The following RALGPS2 variants were observed in gnomAD, a reference collection of about 807,000 sequenced individuals.
The protein encoded by RALGPS2 is ras-specific guanine nucleotide-releasing factor RalGPS2.
In RALGPS2, 43 loss-of-function variants were observed where a neutral mutation model predicts 86.8. The ratio of observed to expected loss-of-function variants is 0.50; its 90% CI spans 0.39 to 0.64. The LOEUF is 0.64. Among genes scored for constraint, RALGPS2 ranks in the 30% least tolerant of loss-of-function variants. The pLI is 0.00. For missense variants in RALGPS2, 536 were observed against 694.6 expected (o/e 0.77, Z 2.57); for synonymous variants, 243 against 231.3 (o/e 1.05, Z -0.46).
intron 8 of RALGPS2, among the ~76,000 whole-genome samples, chr1:178,861,711 G>T (rs1307383772): frequency 6.6e-6 from 1 of 152,024 alleles, no homozygotes; most frequent in African/African-American, 2.4e-5. Flanking sequence ...TATAACTTAC[G>T]TATACAAACT....
intron 7 of RALGPS2, among the ~76,000 whole-genome samples, chr1:178,828,579 A>G (rs1365896545): frequency 1.3e-5 from 2 of 152,250 alleles, no homozygotes; most frequent in African/African-American, 2.4e-5. Context: ...TGTGATAACA[A>G]GAAAACAACC....
At chr1:178,873,814 G>A (rs1006697551) in intron 8 of RALGPS2, among the ~76,000 whole-genome samples, 4 of 152,098 alleles carry the variant, frequency 2.6e-5, no homozygotes, top group East Asian at 1.9e-4. Flanking sequence ...CAAAATAGAC[G>A]AAGCAACCAC....
intron 8 of RALGPS2, among the ~76,000 whole-genome samples, chr1:178,872,879 A>G (rs1456121733): frequency 6.6e-6 from 1 of 152,152 alleles, no homozygotes; most frequent in Non-Finnish European, 1.5e-5. Context: ...ATATGGAGAG[A>G]TTTGAAAGTC....
chr1:178,889,021 C>T (rs1659608251), intron 13 of RALGPS2, among the ~76,000 whole-genome samples: 1 of 151,960 alleles, frequency 6.6e-6, no homozygotes, highest in Admixed American at 6.6e-5. Context: ...AATTCATTCC[C>T]CATAGTTTTT....
chr1:178,868,721 A>G (rs1159487048), intron 8 of RALGPS2, among the ~76,000 whole-genome samples: 4 of 152,048 alleles, frequency 2.6e-5, no homozygotes, highest in Non-Finnish European at 2.9e-5. Context: ...TGTGGTTCCT[A>G]TAAGATTAAA....
Position 178,784,697 on chromosome 1 carries a change from A to G in RALGPS2, c.162+175A>G, listed in dbSNP as rs571140643. Among the ~76,000 whole-genome samples, 6 of 152,242 alleles carry G rather than the reference A, an allele frequency of 3.9e-5. No homozygotes were observed. The South Asian group carries it at 1.2e-3, about 32-fold the overall frequency. On this transcript the variant is annotated intron_variant, in intron 3 of 19. Transcript: ENST00000367635. The stretch of plus-strand genomic sequence containing the variant: ...ACAGAGGGATGAAGTGGGAAAAGTA[A>G]GAAAAGCTGTACATTTTTTTTTAGG...
At chr1:178,833,687 A>G (rs1200029207) in intron 8 of RALGPS2, 137 bp downstream of exon 8, 1 of 1,343,896 alleles carries the variant, frequency 7.4e-7, no homozygotes, top group African/African-American at 1.5e-5. Context: ...GCTGAAAAAA[A>G]TGACTAAAGA....
At position 178,918,443 on chromosome 1, in the gene RALGPS2, G is replaced by A. The variant is rs1050732374; in HGVS notation, c.*2084G>A. 1.3e-5 allele frequency: 2 copies of A among 152,022 alleles called. No homozygotes were observed. The highest frequency in any genetic ancestry group is 4.8e-5 in the African/African-American group (2 of 41,408). The allele number at this position is 152,022 out of a possible 1,614,324, so 9.4% of individuals were successfully genotyped here. On this transcript the variant is annotated 3_prime_UTR_variant, in exon 20 of 20. Transcript: ENST00000367635. ...AATAAGCTAACGTAGAAATGTTGTA[G>A]GTTAACCATATCTGTGGAAATATGC...
chr1:178,768,079 T>C (rs766859995), intron 1 of RALGPS2, among the ~76,000 whole-genome samples: 3 of 152,250 alleles, frequency 2.0e-5, no homozygotes, highest in Admixed American at 6.5e-5. Flanking sequence ...TTCCTTTGTT[T>C]CCTAGATTGC....
At chr1:178,871,694 CATA>C (rs1471883766) in intron 8 of RALGPS2, among the ~76,000 whole-genome samples, 1 of 152,126 alleles carries the variant, frequency 6.6e-6, no homozygotes, top group African/African-American at 2.4e-5. Context: ...TCTGGTGTTA[CATA>C]ATGTCATATC....
intron 8 of RALGPS2, among the ~76,000 whole-genome samples, chr1:178,838,744 G>A (rs1050190053): frequency 1.3e-5 from 2 of 152,104 alleles, no homozygotes; most frequent in Non-Finnish European, 2.9e-5. Context: ...CGAATCCGTC[G>A]CAAAGAAGCT....
intron 1 of RALGPS2, among the ~76,000 whole-genome samples, chr1:178,738,416 C>T (rs935260386): frequency 6.6e-6 from 1 of 151,804 alleles, no homozygotes; most frequent in Admixed American, 6.6e-5. Flanking sequence ...ACCATGTTGC[C>T]CAGGCTGGTC....
Position 178,893,999 on chromosome 1 carries a change from T to C in RALGPS2, c.1406T>C (p.Leu469Ser), listed in dbSNP as rs1191479003. 6 of 1,603,828 alleles carry C rather than the reference T, an allele frequency of 3.7e-6. No individual in the cohort carries two copies. Among genetic ancestry groups the C allele is most frequent in the Middle Eastern group, 1.7e-4 (1 of 5,978 alleles). Residue 469 changes from leucine (L) to serine (S), a missense_variant, in exon 16 of 20, where the codon TTG (leucine) becomes TCG (serine). Leu to Ser is a moderately radical substitution (Grantham distance 145). This residue lies in a region of RALGPS2 where 309 missense variants were observed against 363.0 expected (regional missense o/e 0.85). Transcript: ENST00000367635. ...CAAGGTGTTCTCAGGAGAAAAACTTTGTTAAAAGAAGGCAAAAAGCCTACA... is the reference window on the plus strand; with the variant it reads ...CAAGGTGTTCTCAGGAGAAAAACTTCGTTAAAAGAAGGCAAAAAGCCTACA... ...TIQGVLRRKT[L>S]LKEGKKPTVA...
chr1:178,772,708 G>A (rs1652866028), intron 1 of RALGPS2, among the ~76,000 whole-genome samples: 1 of 152,208 alleles, frequency 6.6e-6, no homozygotes, highest in Non-Finnish European at 1.5e-5. Context: ...TAGTTCAAAT[G>A]TGACAAAATT....
intron 3 of RALGPS2, among the ~76,000 whole-genome samples, chr1:178,785,240 T>C (rs1653593837): frequency 6.6e-6 from 1 of 152,088 alleles, no homozygotes; most frequent in Non-Finnish European, 1.5e-5. Context: ...GTAATCATCA[T>C]AACAAGAACA....
intron 4 of RALGPS2, among the ~76,000 whole-genome samples, chr1:178,806,090 A>AT (rs59588833): frequency 3.0e-4 from 45 of 151,340 alleles, no homozygotes; most frequent in South Asian, 6.3e-4. Context: ...ATATATATAT[A>AT]TTTTTTTTCT....
intron 6 of RALGPS2, among the ~76,000 whole-genome samples, chr1:178,812,325 GA>G (rs1337918775): frequency 6.6e-6 from 1 of 152,126 alleles, no homozygotes; most frequent in Non-Finnish European, 1.5e-5. Flanking sequence ...AGAGCGAAGG[GA>G]GAAGAACATG....
intron 8 of RALGPS2, chr1:178,850,671 G>C (rs1207411741): frequency 2.0e-5 from 3 of 152,180 alleles, no homozygotes; most frequent in Admixed American, 2.0e-4. Context: ...TTTTCTATTG[G>C]CAAAACTAGA....
At chr1:178,802,731 C>T (rs1654539763) in intron 4 of RALGPS2, among the ~76,000 whole-genome samples, 1 of 152,136 alleles carries the variant, frequency 6.6e-6, no homozygotes, top group Admixed American at 6.6e-5. Flanking sequence ...TTACATTTCT[C>T]TGGACTGCAT....
Sources: allele counts gnomAD v4.1 joint callset (sites outside exome capture counted in the v4.1 genomes callset), GRCh38; gene constraint gnomAD v4.1.1; regional missense constraint gnomAD v4.1.1; transcripts MANE v1.5; gene names NCBI Gene and HGNC (gene_info 2026-07-23, HGNC 2026-07-21).